The following NHS variants were observed in gnomAD, a reference collection of about 807,000 sequenced individuals.
NHS encodes the protein actin remodeling regulator NHS.
NHS carries 5 observed loss-of-function variants against 72.5 expected under a neutral mutation model. That is an observed-to-expected ratio of 0.07 (90% CI 0.04 to 0.14). The LOEUF (loss-of-function observed/expected upper bound fraction) is 0.14. Among genes scored for constraint, NHS ranks in the 10% least tolerant of loss-of-function variants. The pLI is 1.00. For synonymous variants in NHS, 464 were observed against 547.7 expected, an observed-to-expected ratio of 0.85 and a Z score of 2.13; for missense variants, 1,072 against 1,355.7, an observed-to-expected ratio of 0.79 and a Z score of 3.29.
At chrX:17,673,891 G>C (rs944757768) in intron 1 of NHS, among the ~76,000 whole-genome samples, 2 of 112,142 alleles carry the variant, frequency 1.8e-5, no homozygotes, top group South Asian at 7.4e-4. Context: ...CTACTTCAAT[G>C]TTACCTCTTC....
chrX:17,530,383 C>G (rs759984729), intron 1 of NHS, among the ~76,000 whole-genome samples: 1 of 111,328 alleles, frequency 9.0e-6, no homozygotes, highest in East Asian at 2.8e-4. Context: ...GATGTTTTGG[C>G]TTATGTTGAG....
intron 1 of NHS, among the ~76,000 whole-genome samples, chrX:17,649,119 C>T (rs1412004799): frequency 8.9e-6 from 1 of 111,813 alleles, no homozygotes; most frequent in East Asian, 2.8e-4. Flanking sequence ...TCACATATTG[C>T]ATATCTTTGA....
At chrX:17,628,572 G>T (rs1431857934) in intron 1 of NHS, among the ~76,000 whole-genome samples, 1 of 113,089 alleles carries the variant, frequency 8.8e-6, no homozygotes, top group Non-Finnish European at 1.9e-5. Context: ...GTTTCCTGTG[G>T]GTAGCTGGGA....
intron 1 of NHS, among the ~76,000 whole-genome samples, chrX:17,542,454 C>A (rs778869292): frequency 8.8e-5 from 10 of 113,419 alleles, no homozygotes; most frequent in African/African-American, 2.6e-4. Context: ...TTGTGCCAAC[C>A]AGTTCCACTG....
chrX:17,520,246 T>C (rs918809029), intron 1 of NHS, among the ~76,000 whole-genome samples: 1 of 111,981 alleles, frequency 8.9e-6, no homozygotes, highest in African/African-American at 3.3e-5. Flanking sequence ...ATTCCAATTC[T>C]GGGGGGGCTT....
chrX:17,465,846 G>A (rs2064868676), intron 1 of NHS, among the ~76,000 whole-genome samples: 1 of 112,631 alleles, frequency 8.9e-6, no homozygotes, highest in Admixed American at 9.4e-5. Context: ...TTGCCTGAAA[G>A]AGCTTAAATC....
chrX:17,697,664 T>C (rs1415281350), intron 3 of NHS, among the ~76,000 whole-genome samples: 1 of 111,612 alleles, frequency 9.0e-6, no homozygotes, highest in Non-Finnish European at 1.9e-5. Context: ...TAAATGTAGA[T>C]CTAAAACTAA....
intron 1 of NHS, among the ~76,000 whole-genome samples, chrX:17,446,366 A>G (rs2064779780): frequency 9.0e-6 from 1 of 111,241 alleles, no homozygotes; most frequent in African/African-American, 3.3e-5. Flanking sequence ...ATACATCCAG[A>G]TGGCCTGAAG....
At chrX:17,487,191 C>G (rs1434584902) in intron 1 of NHS, among the ~76,000 whole-genome samples, 2 of 112,121 alleles carry the variant, frequency 1.8e-5, no homozygotes, top group African/African-American at 6.5e-5. Flanking sequence ...TTACTAAGCA[C>G]GAGGACACTG....
chrX:17,721,190 C>A (rs1355281588), intron 4 of NHS, among the ~76,000 whole-genome samples: 1 of 112,042 alleles, frequency 8.9e-6, no homozygotes, highest in Non-Finnish European at 1.9e-5. Flanking sequence ...TTCTGGCTAC[C>A]TTGTCTCTCC....
At chrX:17,675,306 G>C (rs984534030) in intron 1 of NHS, among the ~76,000 whole-genome samples, 3 of 112,629 alleles carry the variant, frequency 2.7e-5, no homozygotes, top group African/African-American at 9.7e-5. Context: ...TAGGAATCAA[G>C]ATTTTCAGCA....
intron 1 of NHS, among the ~76,000 whole-genome samples, chrX:17,485,073 A>G (rs1355370457): frequency 8.9e-6 from 1 of 111,744 alleles, no homozygotes; most frequent in Admixed American, 9.5e-5. Context: ...TTGTCCTCAT[A>G]AAAAGAAGCA....
At chrX:17,712,134 T>C (rs1421614470) in intron 3 of NHS, among the ~76,000 whole-genome samples, 1 of 104,224 alleles carries the variant, frequency 9.6e-6, no homozygotes, top group Non-Finnish European at 2.0e-5. Context: ...CAACATTAAG[T>C]GTTATTAATC....
intron 1 of NHS, among the ~76,000 whole-genome samples, chrX:17,449,678 G>A (rs1240844380): frequency 8.9e-6 from 1 of 111,959 alleles, no homozygotes; most frequent in Non-Finnish European, 1.9e-5. Flanking sequence ...CCAGGGGAGA[G>A]GAATAGATAT....
chrX:17,651,814 T>C (rs1409904072), intron 1 of NHS, among the ~76,000 whole-genome samples: 1 of 112,774 alleles, frequency 8.9e-6, no homozygotes, highest in African/African-American at 3.2e-5. Context: ...GTATAAAATA[T>C]GCTCAGAACA....
chrX:17,719,179 AGGAG>A, intron 3 of NHS, 161 bp from the exon 4 acceptor site: 1 of 423,556 alleles, frequency 2.4e-6, no homozygotes, highest in Admixed American at 3.1e-5. Flanking sequence ...ATGAGAAGGA[AGGAG>A]GAAGGGAAAG....
intron 1 of NHS, among the ~76,000 whole-genome samples, chrX:17,428,982 C>T (rs952141950): frequency 1.8e-5 from 2 of 111,590 alleles, no homozygotes; most frequent in Non-Finnish European, 1.9e-5. Context: ...AATCCAACTG[C>T]GCATCAGGCA....
At chrX:17,706,490 AACACACACACACACACAC>A (rs200289537) in intron 3 of NHS, among the ~76,000 whole-genome samples, 7 of 98,066 alleles carry the variant, frequency 7.1e-5, no homozygotes, top group Admixed American at 2.2e-4. Context: ...TCAAAATAGA[AACACACACACACACACAC>A]ACACACACAC....
intron 1 of NHS, among the ~76,000 whole-genome samples, chrX:17,534,784 A>G (rs759493240): frequency 8.9e-6 from 1 of 112,362 alleles, no homozygotes; most frequent in Non-Finnish European, 1.9e-5. Flanking sequence ...TTTCTAGCAG[A>G]TGCTATTGGT....
Sources: gnomAD v4.1 joint callset for allele counts (sites outside exome capture counted in the v4.1 genomes callset) on GRCh38, gnomAD v4.1.1 for gene constraint, MANE v1.5 for transcripts, NCBI Gene and HGNC (gene_info 2026-07-23, HGNC 2026-07-21) for gene names.